EBF4: variants seen among roughly 807,000 people sequenced by gnomAD.
The protein encoded by EBF4 is EBF transcription factor 4, also known as transcription factor COE4.
A neutral mutation model predicts 67.1 loss-of-function variants in EBF4; 34 were observed. That is an observed-to-expected ratio of 0.51 (90% CI 0.39 to 0.67). The LOEUF is 0.67. Ranked by LOEUF, EBF4 falls within the 30% of genes least tolerant of loss-of-function variation. The probability of loss-of-function intolerance (pLI) is 0.00; values close to 1 mark genes in which losing one functional copy is unlikely to be tolerated. For missense variants in EBF4, 837 were observed against 873.3 expected, an observed-to-expected ratio of 0.96 and a Z score of 0.52; for synonymous variants, 387 against 377.7, an observed-to-expected ratio of 1.02 and a Z score of -0.29.
At chr20:2,736,854 G>T (rs1021135781) in intron 6 of EBF4, among the ~76,000 whole-genome samples, 18 of 152,202 alleles carry the variant, frequency 1.2e-4, no homozygotes, top group African/African-American at 4.3e-4. Flanking sequence ...GAAGAGGAAG[G>T]ACTTATGAGG....
chr20:2,728,490 A>G (rs1403052867), intron 6 of EBF4, among the ~76,000 whole-genome samples: 2 of 151,806 alleles, frequency 1.3e-5, no homozygotes, highest in Non-Finnish European at 2.9e-5. Flanking sequence ...AGTCACCTCC[A>G]TGGTTGAGGT....
chr20:2,693,358 C>T (rs2087238500), upstream of EBF4, among the ~76,000 whole-genome samples: 1 of 150,770 alleles, frequency 6.6e-6, no homozygotes, highest in Non-Finnish European at 1.5e-5. The surrounding 1 kb of genome is among the most constrained non-coding windows in gnomAD (Gnocchi z 4.6). Context: ...GGGCTCCGCT[C>T]CCCGCCCTCC....
intron 6 of EBF4, among the ~76,000 whole-genome samples, chr20:2,744,709 C>T (rs1411972669): frequency 6.6e-6 from 1 of 151,868 alleles, no homozygotes; most frequent in Non-Finnish European, 1.5e-5. Flanking sequence ...GCAGGCTAGT[C>T]TCAAACTCCT....
In EBF4 at chr20:2,751,991, T is replaced by A; in HGVS notation, c.1173+4T>A. 1 of 1,543,654 alleles carries A rather than the reference T, an allele frequency of 6.5e-7. No individual in the cohort carries two copies. Among genetic ancestry groups the A allele is most frequent in the East Asian group, 2.5e-5 (1 of 40,406 alleles). On this transcript the variant is annotated splice_donor_region_variant and intron_variant, in intron 12 of 16. Coordinates refer to ENST00000609451, the Ensembl canonical transcript of EBF4. The surrounding 1 kb of genome is among the most constrained non-coding windows in gnomAD (Gnocchi z 5.2). ...CGGAGTGCCCGGCAGTAACCAGGTA[T>A]GGCGCCTCCGCCCTCCCAGCGCCGC...
At chr20:2,727,610 C>G (rs1351230311) in intron 6 of EBF4, among the ~76,000 whole-genome samples, 1 of 152,176 alleles carries the variant, frequency 6.6e-6, no homozygotes, top group South Asian at 2.1e-4. Context: ...ATTGCTGAAT[C>G]AATGGTAGTT....
intron 6 of EBF4, among the ~76,000 whole-genome samples, chr20:2,737,680 GA>G (rs972897061): frequency 5.3e-5 from 8 of 151,918 alleles, no homozygotes; most frequent in African/African-American, 1.9e-4. Flanking sequence ...ACGGCAGCAA[GA>G]AAGTTCAGGC....
rs2088072814 is a variant in EBF4, at chr20:2,747,741, ACAT to A, written c.558-807_558-805del. 6.6e-6 allele frequency among the ~76,000 whole-genome samples: 1 copy of A among 152,234 alleles called. No individual in the cohort carries two copies. The highest frequency in any genetic ancestry group is 1.9e-4 in the East Asian group (1 of 5,204). ...ACTATATTTTGGGTAATCATTTACA[ACAT>A]AAAATGCGTATTAATGTATTTGTTC... On this transcript the variant is annotated intron_variant, in intron 6 of 16. Coordinates refer to ENST00000609451, the Ensembl canonical transcript of EBF4. This position sits in a 1 kb window ranked among gnomAD's most constrained non-coding sequence, Gnocchi z 4.6.
chr20:2,725,097 T>C (rs553326373), intron 6 of EBF4, among the ~76,000 whole-genome samples: 1 of 152,326 alleles, frequency 6.6e-6, no homozygotes, highest in South Asian at 2.1e-4. Flanking sequence ...ATACATCTTT[T>C]ACCACGTCTG....
chr20:2,757,558 C>T (rs1246093689), intron 15 of EBF4, among the ~76,000 whole-genome samples: 1 of 152,162 alleles, frequency 6.6e-6, no homozygotes, highest in Non-Finnish European at 1.5e-5. Flanking sequence ...GGCAGGGGTT[C>T]TTAGTGGGGG....
rs1389055452 is a variant in EBF4, at chr20:2,714,143, C to T, written c.557+4501C>T. On this transcript the variant is annotated intron_variant, in intron 6 of 16. Transcript: ENST00000609451. ...TTCTCATATTTCTCCATCGTGTAAG[C>T]GAACAGCAGTATCCCAGTGATTTCC... Among the ~76,000 whole-genome samples the T allele has an allele frequency of 2.6e-5, 4 of 152,134 alleles. No homozygotes were observed. In the East Asian group the frequency reaches 5.8e-4, roughly 22 times the overall value.
chr20:2,737,031 C>T (rs1313004064), intron 6 of EBF4, among the ~76,000 whole-genome samples: 7 of 152,050 alleles, frequency 4.6e-5, no homozygotes, highest in East Asian at 3.9e-4. Flanking sequence ...GGGCAGATCA[C>T]AAGGTCAGGA....
At chr20:2,744,640 C>T (rs1450621635) in intron 6 of EBF4, among the ~76,000 whole-genome samples, 3 of 151,828 alleles carry the variant, frequency 2.0e-5, no homozygotes, top group Middle Eastern at 6.8e-3. Context: ...TACAGGCATG[C>T]ACCACCTCAC....
At chr20:2,710,796 C>T (rs916907841) in intron 6 of EBF4, among the ~76,000 whole-genome samples, 2 of 152,174 alleles carry the variant, frequency 1.3e-5, no homozygotes, top group Non-Finnish European at 2.9e-5. Flanking sequence ...TGTGCATATA[C>T]AACAAAATAG....
chr20:2,749,709 G>A lies in EBF4; in HGVS notation c.847G>A (p.Asp283Asn), dbSNP rs760606290. ...CATTGTCATCGGCGACAACTTCTTC[G>A]ACGGGTTGCAGGTCGTGTTCGGAAA... The change falls in exon 9 of 17, where the codon GAC (aspartate) becomes AAC (asparagine). Residue 283 changes from aspartate to asparagine, a missense_variant. Transcript: ENST00000609451. 2.6e-6 allele frequency: 4 copies of A among 1,556,400 alleles called. No homozygotes were observed. The South Asian group carries it at 3.6e-5, about 14-fold the overall frequency.
chr20:2,738,011 C>G (rs562360661), intron 6 of EBF4, among the ~76,000 whole-genome samples: 40 of 151,894 alleles, frequency 2.6e-4, no homozygotes, highest in Admixed American at 2.0e-4. Flanking sequence ...GAACGTCCTG[C>G]CTCCAGAACC....
rs2088143227 is a variant in EBF4, at chr20:2,751,442, T to C, written c.1019-258T>C. ...TCACAAATGGGTGCATGTGTGTTCA[T>C]ACCAAGCGCCTAGGGCCGAGGACAG... On this transcript the variant is annotated intron_variant, in intron 10 of 16. Coordinates refer to ENST00000609451, the Ensembl canonical transcript of EBF4. The surrounding 1 kb of genome is among the most constrained non-coding windows in gnomAD (Gnocchi z 5.2). Among the ~76,000 whole-genome samples, 1 of 152,202 alleles carries C rather than the reference T, an allele frequency of 6.6e-6. No homozygotes were observed. The highest frequency in any genetic ancestry group is 6.5e-5 in the Admixed American group (1 of 15,286).
At chr20:2,717,504 G>A (rs1308952334) in intron 6 of EBF4, among the ~76,000 whole-genome samples, 1 of 152,144 alleles carries the variant, frequency 6.6e-6, no homozygotes, top group Non-Finnish European at 1.5e-5. Context: ...GAAGAAATGA[G>A]CTATTTAGTT....
Position 2,751,886 on chromosome 20 carries a change from G to GCCCCTCGGTCGCCCCCAGGGGCTC in EBF4, c.1108-30_1108-29insGGTCGCCCCCAGGGGCTCCCCCTC, listed in dbSNP as rs1568587960. ...GGCCCCTTGGTCGCCCCCAGGGGCT[G>GCCCCTCGGTCGCCCCCAGGGGCTC]CCCCTCCGTCCCGCTGTCTCTCCCC... On this transcript the variant is annotated intron_variant, in intron 11 of 16. Coordinates refer to ENST00000609451, the Ensembl canonical transcript of EBF4. This position sits in a 1 kb window ranked among gnomAD's most constrained non-coding sequence, Gnocchi z 5.2. 58 of 1,548,788 alleles carry GCCCCTCGGTCGCCCCCAGGGGCTC rather than the reference G, an allele frequency of 3.7e-5. No homozygotes were observed. Among genetic ancestry groups the GCCCCTCGGTCGCCCCCAGGGGCTC allele is most frequent in the Non-Finnish European group, 3.8e-5 (44 of 1,146,680 alleles).
chr20:2,702,413 G>A (rs1478804511), intron 1 of EBF4, among the ~76,000 whole-genome samples: 2 of 148,882 alleles, frequency 1.3e-5, no homozygotes, highest in Non-Finnish European at 3.0e-5. Context: ...GGGTGACAGA[G>A]CAAGATCCTG....
Sources: allele counts gnomAD v4.1 joint callset (sites outside exome capture counted in the v4.1 genomes callset), GRCh38; gene constraint gnomAD v4.1.1; non-coding constraint Gnocchi (gnomAD v3.1); transcripts MANE v1.5; gene names NCBI Gene and HGNC (gene_info 2026-07-23, HGNC 2026-07-21).